Variants in CFAP77 observed in about 807,000 individuals in gnomAD.
The protein encoded by CFAP77 is cilia- and flagella-associated protein 77.
A neutral mutation model predicts 31.1 loss-of-function variants in CFAP77; 25 were observed. The observed-to-expected ratio is 0.80, with a 90% CI of 0.59 to 1.12. The LOEUF (loss-of-function observed/expected upper bound fraction) is 1.12, where lower values mean the gene tolerates loss of function less well. Ranked by LOEUF, CFAP77 falls within the 50% of genes most tolerant of loss-of-function variation. The pLI is 0.00. For synonymous variants in CFAP77, 151 were observed against 159.9 expected (o/e 0.94, Z 0.42); for missense variants, 377 against 397.3 (o/e 0.95, Z 0.44).
intron 5 of CFAP77, 119 bp from the exon 6 acceptor site, chr9:132,572,267 CCT>C (rs1201050901): frequency 2.4e-6 from 3 of 1,269,928 alleles, no homozygotes; most frequent in Non-Finnish European, 3.2e-6. Flanking sequence ...TGACTTCCTC[CCT>C]CTTACAGCTA....
chr9:132,506,789 A>T (rs1180047880), intron 3 of CFAP77, among the ~76,000 whole-genome samples: 1 of 152,136 alleles, frequency 6.6e-6, no homozygotes, highest in African/African-American at 2.4e-5. Flanking sequence ...AAGTGAGTAC[A>T]AGGTTGGAAT....
Position 132,499,734 on chromosome 9 carries a change from C to T in CFAP77, c.524+134C>T. The T allele has an allele frequency of 6.4e-6, 5 of 785,636 alleles. No homozygotes were observed. The South Asian group carries it at 8.4e-5, about 13-fold the overall frequency. 48.7% of individuals were successfully genotyped at this position (785,636 alleles called of 1,614,324 possible). ...ACTGTCCTCTCTTCAATGACTCTCT[C>T]TTGTGTGACCTCTATAGCCACACCC... is the stretch of plus-strand genomic sequence containing the variant. On this transcript the variant is annotated intron_variant, in intron 3 of 5. Coordinates refer to ENST00000393216, the MANE Select transcript of CFAP77 (RefSeq NM_001282957.2). This position sits in a 1 kb window ranked among gnomAD's most constrained non-coding sequence, Gnocchi z 5.4.
At position 132,481,874 on chromosome 9, in the gene CFAP77, A is replaced by G. The variant is rs1274113906; in HGVS notation, c.196-16821A>G. Among the ~76,000 whole-genome samples, 8 of 151,854 alleles carry G rather than the reference A, an allele frequency of 5.3e-5. No homozygotes were observed. The highest frequency in any genetic ancestry group is 1.3e-4 in the Admixed American group (2 of 15,246). ...CATGGAAATAAAACTTACAATCAATAAGATATTATGAAATATACATCAAAA... is the reference window on the plus strand; with the variant it reads ...CATGGAAATAAAACTTACAATCAATGAGATATTATGAAATATACATCAAAA... On this transcript the variant is annotated intron_variant, in intron 1 of 5. Transcript: ENST00000393216. The surrounding 1 kb of genome is among the most constrained non-coding windows in gnomAD (Gnocchi z 5.0).
chr9:132,476,720 C>A lies in CFAP77; in HGVS notation c.196-21975C>A, dbSNP rs577846836. Among the ~76,000 whole-genome samples the A allele has an allele frequency of 3.4e-3, 515 of 152,184 alleles. 3 individuals are homozygous for A. The highest frequency in any genetic ancestry group is 0.011 in the African/African-American group (476 of 41,518). ...CACAGGGGAGAAGGCCATGTGGAAA[C>A]AGAGGCAGAGATTGGAGTGATACAG... is the stretch of plus-strand genomic sequence containing the variant. On this transcript the variant is annotated intron_variant, in intron 1 of 5. Transcript: ENST00000393216.
chr9:132,540,756 G>A (rs1480376483), intron 4 of CFAP77, among the ~76,000 whole-genome samples: 4 of 152,180 alleles, frequency 2.6e-5, no homozygotes, highest in Non-Finnish European at 4.4e-5. Context: ...CTGTTGTTCA[G>A]ATTATCAGGA....
rs57693387 is a variant in CFAP77 at position 132,484,998 on chromosome 9, G to A, written c.196-13697G>A. On this transcript the variant is annotated intron_variant, in intron 1 of 5. Transcript: ENST00000393216. The stretch of plus-strand genomic sequence containing the variant: ...CCTGTAGCTGGGACTACAGGCATGC[G>A]CCAGCAAGCCCAGCTAATTTTTTTA... Among the ~76,000 whole-genome samples the A allele has an allele frequency of 5.4e-4, 82 of 152,096 alleles. 1 individual carries two copies. In the East Asian group the frequency reaches 0.014, roughly 26 times the overall value.
At chr9:132,477,488 A>G (rs150762565) in intron 1 of CFAP77, among the ~76,000 whole-genome samples, 3 of 152,334 alleles carry the variant, frequency 2.0e-5, no homozygotes, top group African/African-American at 7.2e-5. Context: ...ACAAAGAAAC[A>G]CAAAGCCAGG....
At chr9:132,489,188 C>G (rs1271230670) in intron 1 of CFAP77, among the ~76,000 whole-genome samples, 1 of 152,186 alleles carries the variant, frequency 6.6e-6, no homozygotes, top group Non-Finnish European at 1.5e-5. Flanking sequence ...AGGAGTGCCT[C>G]TTAAAAGACC....
At position 132,513,519 on chromosome 9, in the gene CFAP77, G is replaced by A. The variant is rs530346588; in HGVS notation, c.524+13919G>A. On this transcript the variant is annotated intron_variant, in intron 3 of 5. Transcript: ENST00000393216. Reference sequence around the variant, plus strand: ...CACCCAGCGTGCCCAGTTTTGCTCTGTCGTTAGCGATCCATAAATCATAGG... The same window carrying A: ...CACCCAGCGTGCCCAGTTTTGCTCTATCGTTAGCGATCCATAAATCATAGG... 229 of 738,004 alleles carry A rather than the reference G, an allele frequency of 3.1e-4. No individual in the cohort carries two copies. In the African/African-American group the frequency reaches 3.8e-3, roughly 12 times the overall value. 45.7% of individuals were successfully genotyped at this position (738,004 alleles called of 1,614,324 possible). A position where few individuals can be genotyped will look rare whatever the true frequency, so the allele number is the denominator to read the frequency against.
chr9:132,414,994 T>G (rs1564196070), intron 1 of CFAP77, among the ~76,000 whole-genome samples: 1 of 152,206 alleles, frequency 6.6e-6, no homozygotes, highest in Admixed American at 6.5e-5. Context: ...AAAGCCCAGT[T>G]GTACAAATAT....
intron 3 of CFAP77, among the ~76,000 whole-genome samples, chr9:132,506,022 T>G (rs2093608274): frequency 6.6e-6 from 1 of 152,330 alleles, no homozygotes; most frequent in South Asian, 2.1e-4. Flanking sequence ...GGTATCATTC[T>G]GCACACTTCA....
chr9:132,479,764 A>G (rs541849542), intron 1 of CFAP77, among the ~76,000 whole-genome samples: 12 of 152,272 alleles, frequency 7.9e-5, no homozygotes, highest in Non-Finnish European at 1.5e-4. Flanking sequence ...CTCTAATAAT[A>G]GTGGCCACAT....
At chr9:132,544,490 ATT>A (rs57022259) in intron 5 of CFAP77, among the ~76,000 whole-genome samples, 25,705 of 111,382 alleles carry the variant, frequency 0.23, 2,582 homozygotes, top group East Asian at 0.29. Context: ...CTCACTGCCT[ATT>A]TTTTTTTTTT....
intron 3 of CFAP77, among the ~76,000 whole-genome samples, chr9:132,500,589 A>G (rs1300299025): frequency 2.0e-5 from 3 of 152,214 alleles, no homozygotes; most frequent in Non-Finnish European, 4.4e-5. Context: ...AATTTTACAA[A>G]TGGACACACT....
At chr9:132,559,737 A>G (rs1759477023) in intron 5 of CFAP77, among the ~76,000 whole-genome samples, 1 of 152,254 alleles carries the variant, frequency 6.6e-6, no homozygotes, top group African/African-American at 2.4e-5. Context: ...TGAATGTTCT[A>G]GAAGCATTAC....
intron 1 of CFAP77, among the ~76,000 whole-genome samples, chr9:132,469,458 A>G (rs1022167508): frequency 2.6e-5 from 4 of 152,160 alleles, no homozygotes; most frequent in Admixed American, 6.5e-5. Context: ...GCTGTGGTGT[A>G]GAAAATTAGA....
intron 1 of CFAP77, among the ~76,000 whole-genome samples, chr9:132,438,518 G>GTTATATATATATATATATATAT (rs1334397510): frequency 5.4e-4 from 60 of 111,166 alleles, no homozygotes; most frequent in Non-Finnish European, 7.2e-4. Context: ...GAACAGATAT[G>GTTATATATATATATATATATAT]GTATATATAT....
In CFAP77 at chr9:132,545,650, G is replaced by A. The variant is rs1419023192; in HGVS notation, c.732+2603G>A. 6.6e-6 allele frequency among the ~76,000 whole-genome samples: 1 copy of A among 152,226 alleles called. No homozygotes were observed. The highest frequency in any genetic ancestry group is 1.5e-5 in the Non-Finnish European group (1 of 68,038). On this transcript the variant is annotated intron_variant, in intron 5 of 5. Coordinates refer to ENST00000393216, the MANE Select transcript of CFAP77 (RefSeq NM_001282957.2). The surrounding 1 kb of genome is among the most constrained non-coding windows in gnomAD (Gnocchi z 4.6). Reference sequence around the variant, plus strand: ...CAGCAGAGACCCTTAGACACACAGAGTGCTGCCGTTATGGGTGTCACACGC... The same window carrying A: ...CAGCAGAGACCCTTAGACACACAGAATGCTGCCGTTATGGGTGTCACACGC...
At chr9:132,540,271 A>G (rs1167324157) in intron 4 of CFAP77, among the ~76,000 whole-genome samples, 2 of 152,166 alleles carry the variant, frequency 1.3e-5, no homozygotes, top group African/African-American at 4.8e-5. Flanking sequence ...CACGCATCCC[A>G]GAGTGTTGGT....
Sources: gnomAD v4.1 joint callset for allele counts (sites outside exome capture counted in the v4.1 genomes callset) on GRCh38, gnomAD v4.1.1 for gene constraint, Gnocchi (gnomAD v3.1) non-coding constraint, MANE v1.5 for transcripts, NCBI Gene and HGNC (gene_info 2026-07-23, HGNC 2026-07-21) for gene names.